Variants in DOCK8 observed in about 807,000 individuals in gnomAD.
DOCK8 encodes dedicator of cytokinesis protein 8.
DOCK8 carries 141 observed loss-of-function variants against 245.6 expected under a neutral mutation model. The observed-to-expected ratio is 0.57, with a 90% confidence interval of 0.50 to 0.66. The LOEUF is 0.66. DOCK8 is among the 30% of genes least tolerant of loss of function. DOCK8 has a pLI of 0.00. For synonymous variants in DOCK8, 1,168 were observed against 970.2 expected, an observed-to-expected ratio of 1.20 and a Z score of -3.79; for missense variants, 2,965 against 2,603.4, an observed-to-expected ratio of 1.14 and a Z score of -3.02.
intron 14 of DOCK8, among the ~76,000 whole-genome samples, chr9:362,211 A>G (rs1259074802): frequency 6.6e-6 from 1 of 152,178 alleles, no homozygotes; most frequent in Non-Finnish European, 1.5e-5. Context: ...GGTTTAGCTT[A>G]CCAGTACCAG....
intron 46 of DOCK8, chr9:454,732 T>G (rs1390698260): frequency 6.6e-6 from 1 of 152,272 alleles, no homozygotes; most frequent in Non-Finnish European, 1.5e-5. Context: ...CCTCAATTTT[T>G]TCTACTAGTT....
chr9:464,738 A>G lies in DOCK8; in HGVS notation c.*519A>G, dbSNP rs1479440247. 1.2e-5 allele frequency: 2 copies of G among 165,182 alleles called. No homozygotes were observed. The highest frequency in any genetic ancestry group is 1.1e-4 in the Admixed American group (2 of 17,874). The allele number at this position is 165,182 out of a possible 1,614,324, so 10.2% of individuals were successfully genotyped here. ...CCTTACTACAATTCCAAAAATCATC[A>G]TGGTTGGAAATTTGGGAGGAGATTA... On this transcript the variant is annotated 3_prime_UTR_variant, in exon 48 of 48. Transcript: ENST00000432829.
chr9:432,246 C>A lies in DOCK8; in HGVS notation c.4707C>A (p.His1569Gln). ...GAGCACCAGACTTTAATGAAGAGCA[C>A]CTGAGAAGATCCTTGAGGACAATTT... ...VGRAPDFNEE[H>Q]LRRSLRTILA... is the part of the protein sequence containing the mutation. The change falls in exon 37 of 48, where the codon CAC becomes CAA. Residue 1569 changes from histidine to glutamine, a missense_variant. By Grantham distance (24) the His-to-Gln change is conservative (BLOSUM62 0). Around this residue, in one of 3 missense-constraint regions of DOCK8, gnomAD observed 2,825 missense variants for 2,453.5 expected, o/e 1.15. Transcript: ENST00000432829. 1 of 1,613,554 alleles carries A rather than the reference C, an allele frequency of 6.2e-7. No homozygotes were observed.
At chr9:289,474 G>T in intron 3 of DOCK8, 36 bp from the exon 4 acceptor site, 1 of 1,532,746 alleles carries the variant, frequency 6.5e-7, no homozygotes. Flanking sequence ...GTTTTACCCA[G>T]TAATAACGTG....
chr9:450,090 T>G (rs1490960717), intron 45 of DOCK8, among the ~76,000 whole-genome samples, 163 bp downstream of exon 45: 1 of 152,236 alleles, frequency 6.6e-6, no homozygotes, highest in African/African-American at 2.4e-5. Context: ...TAGAAGACTT[T>G]TAGGAAACCT....
intron 2 of DOCK8, chr9:284,590 C>T (rs899623592): frequency 3.9e-5 from 6 of 152,090 alleles, no homozygotes; most frequent in Non-Finnish European, 5.9e-5. Flanking sequence ...TCTCATTACT[C>T]GGTATATAGC....
chr9:403,959 T>C (rs1463611956), intron 26 of DOCK8, among the ~76,000 whole-genome samples: 77 of 87,092 alleles, frequency 8.8e-4, no homozygotes, highest in African/African-American at 5.0e-3. Flanking sequence ...TATATATATA[T>C]GTATATATAT....
chr9:445,259 C>A (rs1200371176), intron 43 of DOCK8, among the ~76,000 whole-genome samples: 1 of 152,096 alleles, frequency 6.6e-6, no homozygotes, highest in Non-Finnish European at 1.5e-5. Context: ...TTTTAAAATT[C>A]CCAGGGTAGG....
intron 44 of DOCK8, among the ~76,000 whole-genome samples, chr9:448,840 T>C (rs1490079131): frequency 6.6e-6 from 1 of 152,196 alleles, no homozygotes; most frequent in East Asian, 1.9e-4. Context: ...GACATATACA[T>C]TTTGGGGGAA....
intron 1 of DOCK8, among the ~76,000 whole-genome samples, chr9:234,996 T>A (rs2047211926): frequency 6.6e-6 from 1 of 152,242 alleles, no homozygotes. Flanking sequence ...TTTCCAGTTT[T>A]TCTGCTCTGT....
chr9:443,791 G>A (rs749064494), intron 43 of DOCK8, among the ~76,000 whole-genome samples: 8 of 152,214 alleles, frequency 5.3e-5, no homozygotes, highest in African/African-American at 7.2e-5. Context: ...ATCCTGCAAC[G>A]ACCCCTGGAA....
At chr9:361,170 A>G (rs1042185046) in intron 14 of DOCK8, among the ~76,000 whole-genome samples, 1 of 152,120 alleles carries the variant, frequency 6.6e-6, no homozygotes, top group Non-Finnish European at 1.5e-5. Flanking sequence ...TCCATCTCCA[A>G]AAAAAGAGGC....
chr9:398,309 A>G (rs12346040), intron 25 of DOCK8, among the ~76,000 whole-genome samples: 63,069 of 152,052 alleles, frequency 0.41, 16,231 homozygotes, highest in African/African-American at 0.73. Context: ...GCGGCACGGT[A>G]GCAACCTCTT....
At chr9:324,046 G>A (rs562581612) in intron 7 of DOCK8, among the ~76,000 whole-genome samples, 1 of 152,176 alleles carries the variant, frequency 6.6e-6, no homozygotes, top group Admixed American at 6.5e-5. Flanking sequence ...GGAAAGGCAA[G>A]CATCCTTACC....
intron 29 of DOCK8, among the ~76,000 whole-genome samples, chr9:416,390 C>T (rs962013286): frequency 6.6e-6 from 1 of 152,182 alleles, no homozygotes; most frequent in Non-Finnish European, 1.5e-5. Flanking sequence ...ACCACTTTAG[C>T]ACACATTATC....
chr9:322,863 C>G (rs1175049696), intron 7 of DOCK8, among the ~76,000 whole-genome samples: 1 of 152,090 alleles, frequency 6.6e-6, no homozygotes, highest in Non-Finnish European at 1.5e-5. Context: ...GAGGCTGAGG[C>G]AGGTGAGTCA....
At chr9:253,264 G>A (rs1245533830) in intron 1 of DOCK8, among the ~76,000 whole-genome samples, 5 of 152,140 alleles carry the variant, frequency 3.3e-5, no homozygotes, top group Non-Finnish European at 7.4e-5. Context: ...ATTCTCTCAA[G>A]TAACTGATCT....
At chr9:433,846 G>C in intron 37 of DOCK8, 29 bp from the exon 38 acceptor site, 1 of 1,564,810 alleles carries the variant, frequency 6.4e-7, no homozygotes, top group Non-Finnish European at 8.8e-7. Flanking sequence ...ACAAAGCTAA[G>C]ATTATTTTGA....
At chr9:463,051 A>G (rs1431235622) in intron 46 of DOCK8, among the ~76,000 whole-genome samples, 2 of 152,328 alleles carry the variant, frequency 1.3e-5, no homozygotes, top group African/African-American at 2.4e-5. Context: ...GAGGTTCTCA[A>G]TTCTGGCTAG....
Sources: allele counts gnomAD v4.1 joint callset (sites outside exome capture counted in the v4.1 genomes callset), GRCh38; gene constraint gnomAD v4.1.1; regional missense constraint gnomAD v4.1.1; transcripts MANE v1.5; gene names NCBI Gene and HGNC (gene_info 2026-07-23, HGNC 2026-07-21).